Variants in RFT1 observed in about 807,000 individuals in gnomAD.
RFT1 encodes the protein man(5)GlcNAc(2)-PP-dolichol translocation protein RFT1.
In RFT1, 43 loss-of-function variants were observed where a neutral mutation model predicts 62.2. The ratio of observed to expected loss-of-function variants is 0.69; its 90% CI spans 0.54 to 0.89. The LOEUF (loss-of-function observed/expected upper bound fraction) is 0.89. Ranked by LOEUF, RFT1 falls within the 40% of genes least tolerant of loss-of-function variation. The probability of loss-of-function intolerance (pLI) is 0.00; values close to 1 mark genes in which losing one functional copy is unlikely to be tolerated. For synonymous variants in RFT1, 262 were observed against 264.6 expected, an observed-to-expected ratio of 0.99 and a Z score of 0.10; for missense variants, 605 against 649.9, an observed-to-expected ratio of 0.93 and a Z score of 0.75.
In RFT1 at chr3:53,091,697, C is replaced by T. The variant is rs1700991065; in HGVS notation, c.*206G>A. Reference sequence around the variant, plus strand: ...TTATTTTTAAAGGGCTTTTGGTCTTCACTTAAAAATGAAACTCCCCCCCCG... The same window carrying T: ...TTATTTTTAAAGGGCTTTTGGTCTTTACTTAAAAATGAAACTCCCCCCCCG... On this transcript the variant is annotated 3_prime_UTR_variant, in exon 13 of 13. Transcript: ENST00000296292. The T allele has an allele frequency of 3.2e-6, 2 of 620,512 alleles. No homozygotes were observed. Among genetic ancestry groups the T allele is most frequent in the Admixed American group, 2.8e-5 (1 of 36,336 alleles). 38.4% of individuals were successfully genotyped at this position (620,512 alleles called of 1,614,324 possible). A position where few individuals can be genotyped will look rare whatever the true frequency, so the allele number is the denominator to read the frequency against.
At chr3:53,120,914 C>T (rs759520063) in intron 5 of RFT1, among the ~76,000 whole-genome samples, 1 of 152,212 alleles carries the variant, frequency 6.6e-6, no homozygotes, top group Non-Finnish European at 1.5e-5. Flanking sequence ...CTTCATGCTC[C>T]AAGCCCTTAA....
At chr3:53,125,517 T>C (rs1702085134) in intron 2 of RFT1, among the ~76,000 whole-genome samples, 1 of 152,232 alleles carries the variant, frequency 6.6e-6, no homozygotes, top group Non-Finnish European at 1.5e-5. Flanking sequence ...AGCCCTGCCA[T>C]TATGAAGCGC....
chr3:53,087,796 T>C (rs981071227), downstream of RFT1, among the ~76,000 whole-genome samples: 23 of 152,362 alleles, frequency 1.5e-4, no homozygotes, highest in African/African-American at 4.3e-4. Context: ...GTTGAGATTA[T>C]AGGCGCAAGC....
chr3:53,078,883 CT>C, the RFT1 span, among the ~76,000 whole-genome samples: 1 of 152,228 alleles, frequency 6.6e-6, no homozygotes, highest in Admixed American at 6.5e-5. Flanking sequence ...TGAACCCCAA[CT>C]TTTCCTTGGC....
In RFT1 at chr3:53,130,412, C is replaced by T. The variant is rs1402993152; in HGVS notation, c.-12G>A. 5 of 1,551,354 alleles carry T rather than the reference C, an allele frequency of 3.2e-6. 1 individual carries two copies. The South Asian group carries it at 5.9e-5, about 18-fold the overall frequency. ...TCCTGGCTGCCCATAGCCTCCGCGC[C>T]AGGCTCAGACACCAGGAAATGCCGC... On this transcript the variant is annotated 5_prime_UTR_variant, in exon 1 of 13. Transcript: ENST00000296292.
Position 53,089,445 on chromosome 3 carries a change from ATTG to A in RFT1, c.*2455_*2457del, listed in dbSNP as rs1301366126. ...GAGAAGTAGCCTCACTATAAGTGGT[ATTG>A]AAAGCCAAAAGTATGATTTCTGCTC... On this transcript the variant is annotated 3_prime_UTR_variant, in exon 13 of 13. Coordinates refer to ENST00000296292, the MANE Select transcript of RFT1 (RefSeq NM_052859.4). 6.6e-6 allele frequency: 1 copy of A among 152,244 alleles called. No homozygotes were observed. Among genetic ancestry groups the A allele is most frequent in the Admixed American group, 6.5e-5 (1 of 15,286 alleles). The allele number at this position is 152,244 out of a possible 1,614,324, so 9.4% of individuals were successfully genotyped here.
At chr3:53,127,595 G>C (rs927479402) in intron 1 of RFT1, among the ~76,000 whole-genome samples, 1 of 151,726 alleles carries the variant, frequency 6.6e-6, no homozygotes, top group African/African-American at 2.4e-5. Flanking sequence ...CCAGCTACTC[G>C]GGAGGCTGAG....
the RFT1 span, among the ~76,000 whole-genome samples, chr3:53,073,326 G>A: frequency 4.6e-5 from 7 of 152,324 alleles, no homozygotes; most frequent in East Asian, 1.4e-3. Context: ...CCTGGGCTGG[G>A]GCTTGACACA....
rs1242976516 is a variant in RFT1, at chr3:53,090,723, A to C, written c.*1180T>G. On this transcript the variant is annotated 3_prime_UTR_variant, in exon 13 of 13. Coordinates refer to ENST00000296292, the MANE Select transcript of RFT1 (RefSeq NM_052859.4). ...TTAACATCCAAGTTATAGTTTGTGC[A>C]TATAGTTCTGAGGGGGGTTAATATC... 6.6e-6 allele frequency: 1 copy of C among 152,230 alleles called. No homozygotes were observed. The highest frequency in any genetic ancestry group is 2.4e-5 in the African/African-American group (1 of 41,452). The allele number at this position is 152,230 out of a possible 1,614,324, so 9.4% of individuals were successfully genotyped here. A position where few individuals can be genotyped will look rare whatever the true frequency, so the allele number is the denominator to read the frequency against.
Position 53,109,111 on chromosome 3 carries a change from AC to A in RFT1, c.776-2243del, listed in dbSNP as rs1412447641. ...ACCCTGTCATCTTCTGCTGCACCCT[AC>A]CTCCCAGGTTTTAGCCCTCCAGCTG... is the stretch of plus-strand genomic sequence containing the variant. On this transcript the variant is annotated intron_variant, in intron 7 of 12. Coordinates refer to ENST00000296292, the MANE Select transcript of RFT1 (RefSeq NM_052859.4). 2.7e-5 allele frequency among the ~76,000 whole-genome samples: 4 copies of A among 150,516 alleles called. No homozygotes were observed. In the East Asian group the frequency reaches 7.8e-4, roughly 29 times the overall value.
rs77363643 is a variant in RFT1 at position 53,120,689 on chromosome 3, C to A, written c.559-668G>T. On this transcript the variant is annotated intron_variant, in intron 5 of 12. Coordinates refer to ENST00000296292, the MANE Select transcript of RFT1 (RefSeq NM_052859.4). The stretch of plus-strand genomic sequence containing the variant: ...AAAGCCCCTTTTCACAAGCTCCCTT[C>A]GACCCTCTTTCCCTCCTGAGAACAG... Among the ~76,000 whole-genome samples, 46 of 152,232 alleles carry A rather than the reference C, an allele frequency of 3.0e-4. No homozygotes were observed. The East Asian group carries it at 6.6e-3, about 22-fold the overall frequency.
chr3:53,116,898 C>T (rs998169576), intron 6 of RFT1, among the ~76,000 whole-genome samples: 3 of 152,206 alleles, frequency 2.0e-5, no homozygotes, highest in East Asian at 1.9e-4. Context: ...CCACCATGCC[C>T]GGGCTTCTTT....
chr3:53,117,471 T>C (rs1191613041), intron 6 of RFT1, among the ~76,000 whole-genome samples: 2 of 152,156 alleles, frequency 1.3e-5, no homozygotes, highest in African/African-American at 2.4e-5. Context: ...CATGTCTGTA[T>C]CCCTGATGGC....
chr3:53,096,801 ATGG>A (rs1701154674), intron 11 of RFT1, among the ~76,000 whole-genome samples: 2 of 152,086 alleles, frequency 1.3e-5, no homozygotes, highest in African/African-American at 4.8e-5. Context: ...CTGGAGTGCA[ATGG>A]CATGATCTCC....
At chr3:53,107,337 C>T (rs1274018133) in intron 7 of RFT1, among the ~76,000 whole-genome samples, 1 of 152,072 alleles carries the variant, frequency 6.6e-6, no homozygotes, top group Non-Finnish European at 1.5e-5. Flanking sequence ...TGGGGTTTCA[C>T]TGTGTTAGCC....
At chr3:53,101,832 G>A (rs997052332) in intron 10 of RFT1, among the ~76,000 whole-genome samples, 1 of 152,126 alleles carries the variant, frequency 6.6e-6, no homozygotes, top group African/African-American at 2.4e-5. Context: ...GAGGTCAGGA[G>A]TTTGAGACCA....
intron 5 of RFT1, among the ~76,000 whole-genome samples, chr3:53,120,650 G>C (rs1701945022): frequency 6.6e-6 from 1 of 152,088 alleles, no homozygotes; most frequent in African/African-American, 2.4e-5. Flanking sequence ...GCAGATTGAG[G>C]AGGAAAGTCC....
intron 1 of RFT1, among the ~76,000 whole-genome samples, chr3:53,126,642 G>A (rs1161430638): frequency 6.6e-6 from 1 of 152,170 alleles, no homozygotes; most frequent in Non-Finnish European, 1.5e-5. Flanking sequence ...GTAACATGGG[G>A]GGAAGGGAGA....
Position 53,125,948 on chromosome 3 carries a change from C to T in RFT1, c.110G>A (p.Arg37His), listed in dbSNP as rs139153173. 2.7e-5 allele frequency: 43 copies of T among 1,613,442 alleles called. No individual in the cohort carries two copies. In the African/African-American group the frequency reaches 2.9e-4, roughly 11 times the overall value. The change falls in exon 2 of 13, where the codon CGC becomes CAC. Residue 37 changes from arginine to histidine, a missense_variant. Transcript: ENST00000296292. ...ITFVLNAFIL[R>H]FLSKEIVGVV... is the part of the protein sequence containing the mutation. ...GCCAACGATTTCCTTTGACAGGAAG[C>T]GAAGAATAAATGCATTCAAGACAAA...
Sources: gnomAD v4.1 joint callset for allele counts (sites outside exome capture counted in the v4.1 genomes callset) on GRCh38, gnomAD v4.1.1 for gene constraint, MANE v1.5 for transcripts, NCBI Gene and HGNC (gene_info 2026-07-23, HGNC 2026-07-21) for gene names.